The following ZNF804B variants were observed in gnomAD, a reference collection of about 807,000 sequenced individuals.
The protein encoded by ZNF804B is zinc finger protein 804B, also known as zinc finger 804B.
In ZNF804B, 80 loss-of-function variants were observed where a neutral mutation model predicts 101.4. That is an observed-to-expected ratio of 0.79 (90% CI 0.66 to 0.95). The LOEUF is 0.95. Ranked by LOEUF, ZNF804B falls within the 40% of genes least tolerant of loss-of-function variation. The pLI, the probability that ZNF804B is intolerant of heterozygous loss-of-function variation, is 0.00. For missense variants in ZNF804B, 1,673 were observed against 1,561.9 expected, an observed-to-expected ratio of 1.07 and a Z score of -1.20; for synonymous variants, 622 against 558.8, an observed-to-expected ratio of 1.11 and a Z score of -1.59.
At chr7:88,827,038 T>C (rs539863185) in intron 1 of ZNF804B, among the ~76,000 whole-genome samples, 1 of 152,206 alleles carries the variant, frequency 6.6e-6, no homozygotes, top group South Asian at 2.1e-4. Context: ...TGTAGATAAA[T>C]ATTTTTCAGA....
chr7:88,855,594 A>G (rs1482632418), intron 1 of ZNF804B, among the ~76,000 whole-genome samples: 1 of 152,062 alleles, frequency 6.6e-6, no homozygotes, highest in Non-Finnish European at 1.5e-5. Flanking sequence ...GCTGTGCAGA[A>G]GTTCTTTAGT....
chr7:89,241,900 T>A (rs928080078), intron 2 of ZNF804B, among the ~76,000 whole-genome samples: 1 of 151,732 alleles, frequency 6.6e-6, no homozygotes, highest in African/African-American at 2.4e-5. Flanking sequence ...TTTCTTTTTT[T>A]TTTTTTTCTC....
chr7:89,289,246 G>C (rs189249057), intron 2 of ZNF804B, among the ~76,000 whole-genome samples: 1 of 152,068 alleles, frequency 6.6e-6, no homozygotes, highest in African/African-American at 2.4e-5. Context: ...TTGTCGTTAC[G>C]TTAAATATAA....
At chr7:89,239,843 C>A (rs1217150941) in intron 2 of ZNF804B, among the ~76,000 whole-genome samples, 2 of 150,856 alleles carry the variant, frequency 1.3e-5, no homozygotes, top group African/African-American at 4.9e-5. Context: ...ATTTTTATTA[C>A]ATTAGTTTTG....
At chr7:89,300,813 G>GA (rs1288987796) in intron 2 of ZNF804B, among the ~76,000 whole-genome samples, 1 of 151,960 alleles carries the variant, frequency 6.6e-6, no homozygotes, top group Non-Finnish European at 1.5e-5. Context: ...GGCTTAATCT[G>GA]AAAAAAGTTT....
chr7:89,176,458 T>G (rs1159793611), intron 1 of ZNF804B, among the ~76,000 whole-genome samples: 2 of 151,988 alleles, frequency 1.3e-5, no homozygotes, highest in Non-Finnish European at 1.5e-5. Context: ...TTGGTCATGA[T>G]GAATGATCTT....
intron 2 of ZNF804B, among the ~76,000 whole-genome samples, chr7:89,224,709 AGTATGT>A (rs755209690): frequency 2.0e-4 from 17 of 84,652 alleles, no homozygotes; most frequent in African/African-American, 7.9e-4. Context: ...TTTCTGGCAA[AGTATGT>A]GTGTGTGTGT....
At chr7:89,159,682 A>G (rs1791030003) in intron 1 of ZNF804B, among the ~76,000 whole-genome samples, 1 of 152,172 alleles carries the variant, frequency 6.6e-6, no homozygotes, top group Admixed American at 6.6e-5. Flanking sequence ...AACACATTAA[A>G]TCTGTAACTA....
intron 2 of ZNF804B, among the ~76,000 whole-genome samples, chr7:89,235,591 A>T (rs1032358405): frequency 6.6e-6 from 1 of 152,188 alleles, no homozygotes; most frequent in Non-Finnish European, 1.5e-5. Context: ...CCCTTTGCAA[A>T]AACATCCTGG....
intron 1 of ZNF804B, among the ~76,000 whole-genome samples, chr7:89,015,783 G>C (rs1286995108): frequency 1.3e-5 from 2 of 152,120 alleles, no homozygotes; most frequent in Admixed American, 6.6e-5. Flanking sequence ...TGTGAATAGT[G>C]CCGCAATAAA....
chr7:89,076,939 C>T (rs17166569), intron 1 of ZNF804B, among the ~76,000 whole-genome samples: 5,786 of 152,076 alleles, frequency 0.038, 148 homozygotes, highest in East Asian at 0.12. Flanking sequence ...AGGGGTGGCC[C>T]ACATAGGCAA....
At chr7:89,034,015 A>G (rs1011556439) in intron 1 of ZNF804B, among the ~76,000 whole-genome samples, 3 of 152,078 alleles carry the variant, frequency 2.0e-5, no homozygotes, top group African/African-American at 7.2e-5. Flanking sequence ...ATAATGTGTT[A>G]AATAATTTTT....
At chr7:88,903,589 C>T (rs1483578279) in intron 1 of ZNF804B, among the ~76,000 whole-genome samples, 1 of 152,094 alleles carries the variant, frequency 6.6e-6, no homozygotes, top group Non-Finnish European at 1.5e-5. Flanking sequence ...AAAATCATTC[C>T]CTTTTCTCCA....
At chr7:88,796,856 C>A (rs1790494188) in intron 1 of ZNF804B, among the ~76,000 whole-genome samples, 1 of 151,944 alleles carries the variant, frequency 6.6e-6, no homozygotes, top group Admixed American at 6.6e-5. Context: ...CTGAGCTTAC[C>A]TGTGGACTAA....
intron 1 of ZNF804B, among the ~76,000 whole-genome samples, chr7:89,043,134 TA>T (rs928152123): frequency 1.3e-5 from 2 of 152,140 alleles, no homozygotes; most frequent in African/African-American, 4.8e-5. Flanking sequence ...GACGCTCCTT[TA>T]AAAAAATGAC....
intron 1 of ZNF804B, among the ~76,000 whole-genome samples, chr7:89,198,372 A>G (rs184368028): frequency 6.6e-6 from 1 of 152,042 alleles, no homozygotes; most frequent in Admixed American, 6.6e-5. Flanking sequence ...ATTTCTAATC[A>G]CCTTGCATGT....
chr7:88,922,515 G>T (rs1683358927), intron 1 of ZNF804B, among the ~76,000 whole-genome samples: 1 of 151,838 alleles, frequency 6.6e-6, no homozygotes, highest in Non-Finnish European at 1.5e-5. Context: ...AGACATTTAT[G>T]TATTAAAGGA....
intron 1 of ZNF804B, among the ~76,000 whole-genome samples, chr7:89,014,965 G>A (rs1788523360): frequency 1.3e-5 from 2 of 152,124 alleles, no homozygotes; most frequent in South Asian, 4.1e-4. Flanking sequence ...TTTTCCCCTA[G>A]TAGTCTTACA....
At position 89,280,448 on chromosome 7, in the gene ZNF804B, CA is replaced by C. The variant is rs1230606903; in HGVS notation, c.250-46890del. Among the ~76,000 whole-genome samples, 5 of 151,866 alleles carry C rather than the reference CA, an allele frequency of 3.3e-5. No individual in the cohort carries two copies. The East Asian group carries it at 9.6e-4, about 29-fold the overall frequency. On this transcript the variant is annotated intron_variant, in intron 2 of 3. Transcript: ENST00000333190. ...GGAAATAGAGACACAAAAAACCCTT[CA>C]AAAAATTAATGAATCCAGGAGCTGG...
Sources: allele counts gnomAD v4.1 joint callset (sites outside exome capture counted in the v4.1 genomes callset), GRCh38; gene constraint gnomAD v4.1.1; transcripts MANE v1.5; gene names NCBI Gene and HGNC (gene_info 2026-07-23, HGNC 2026-07-21).